SPATA21: variants seen among roughly 807,000 people sequenced by gnomAD.
SPATA21 encodes the protein spermatogenesis associated 21.
Under a neutral mutation model 54.8 loss-of-function variants are expected in SPATA21, and 47 were observed. The ratio of observed to expected loss-of-function variants is 0.86; its 90% CI spans 0.68 to 1.09. SPATA21 has a LOEUF of 1.09. SPATA21 is among the 50% of genes least tolerant of loss of function. The pLI is 0.00. For synonymous variants in SPATA21, 245 were observed against 235.3 expected, an observed-to-expected ratio of 1.04 and a Z score of -0.38; for missense variants, 599 against 596.4, an observed-to-expected ratio of 1.00 and a Z score of -0.05.
intron 7 of SPATA21, chr1:16,408,619 T>G (rs2085723681): frequency 1.6e-5 from 12 of 764,936 alleles, no homozygotes; most frequent in African/African-American, 1.9e-5. Context: ...ACGCCTGTAA[T>G]TCCAGACTTT....
At chr1:16,403,230 T>C (rs920480677) in intron 10 of SPATA21, among the ~76,000 whole-genome samples, 1 of 152,156 alleles carries the variant, frequency 6.6e-6, no homozygotes, top group Non-Finnish European at 1.5e-5. Flanking sequence ...GACTGCTCAG[T>C]GCATGCTGCA....
chr1:16,430,438 TAAACAAAC>T (rs928605298), intron 3 of SPATA21, among the ~76,000 whole-genome samples: 1 of 151,870 alleles, frequency 6.6e-6, no homozygotes, highest in Non-Finnish European at 1.5e-5. Flanking sequence ...GTCTCAAAAA[TAAACAAAC>T]AAACAAACTA....
chr1:16,401,320 A>C (rs1448118954), intron 10 of SPATA21, among the ~76,000 whole-genome samples: 2 of 152,158 alleles, frequency 1.3e-5, no homozygotes, highest in Non-Finnish European at 2.9e-5. Flanking sequence ...GGGGAGACAG[A>C]GTCTCACTCT....
Position 16,404,994 on chromosome 1 carries a change from C to G in SPATA21, c.784G>C (p.Asp262His), listed in dbSNP as rs764436429. 12 of 1,605,736 alleles carry G rather than the reference C, an allele frequency of 7.5e-6. No individual in the cohort carries two copies. The highest frequency in any genetic ancestry group is 1.0e-5 in the Non-Finnish European group (12 of 1,177,738). ...TTGACATCAGCACTCATCAGGGCGT[C>G]CTCCACCTGGGCCAGCGTCACAGAG... ...GFSVTLAQVE[D>H]ALMSADVNGD... is the part of the protein sequence containing the mutation. Residue 262 changes from aspartate to histidine, a missense_variant, in exon 8 of 13, where the codon GAC (aspartate) becomes CAC (histidine). Transcript: ENST00000335496.
At chr1:16,423,957 T>C (rs991766370) in intron 3 of SPATA21, among the ~76,000 whole-genome samples, 1 of 151,658 alleles carries the variant, frequency 6.6e-6, no homozygotes, top group Non-Finnish European at 1.5e-5. Flanking sequence ...ATAGTGATAG[T>C]TGGTAGTCGC....
At position 16,409,205 on chromosome 1, in the gene SPATA21, T is replaced by A. The variant is rs2085748209; in HGVS notation, c.588-2A>T. 5 of 1,614,032 alleles carry A rather than the reference T, an allele frequency of 3.1e-6. No individual in the cohort carries two copies. In the East Asian group the frequency reaches 1.1e-4, roughly 36 times the overall value. On this transcript the variant is annotated splice_acceptor_variant, in intron 6 of 12. Coordinates refer to ENST00000335496, the MANE Select transcript of SPATA21 (RefSeq NM_198546.1). LOFTEE classifies it high-confidence loss of function. The surrounding 1 kb of genome is among the most constrained non-coding windows in gnomAD (Gnocchi z 4.1). ...AGGCTCTGCTCTTCCGGCTCCTGCCTGCAGAGGACAGAACCCCGACCCAGG... is the reference window on the plus strand; with the variant it reads ...AGGCTCTGCTCTTCCGGCTCCTGCCAGCAGAGGACAGAACCCCGACCCAGG...
At chr1:16,419,658 G>T (rs2086113342) in intron 5 of SPATA21, among the ~76,000 whole-genome samples, 1 of 152,250 alleles carries the variant, frequency 6.6e-6, no homozygotes. Context: ...CAAGGTCTAT[G>T]GCTGGGCATG....
intron 3 of SPATA21, among the ~76,000 whole-genome samples, chr1:16,429,496 T>C (rs1031946267): frequency 2.0e-5 from 3 of 152,012 alleles, no homozygotes; most frequent in South Asian, 4.2e-4. Flanking sequence ...ATTTTTGAGA[T>C]GGAGTTTCAC....
chr1:16,424,299 C>T (rs192903992), intron 3 of SPATA21, among the ~76,000 whole-genome samples: 1,955 of 121,704 alleles, frequency 0.016, 61 homozygotes, highest in African/African-American at 0.057. Context: ...GGCGACAGAG[C>T]AAGACTGTCT....
At chr1:16,429,803 G>A (rs919139087) in intron 3 of SPATA21, among the ~76,000 whole-genome samples, 1 of 151,472 alleles carries the variant, frequency 6.6e-6, no homozygotes, top group African/African-American at 2.4e-5. Context: ...GATATCTTTG[G>A]CCCTGAGGAA....
At position 16,409,833 on chromosome 1, in the gene SPATA21, G is replaced by A; in HGVS notation, c.355C>T (p.Pro119Ser). ...AGGCTTGGAGCTGAGGTGGGCACCG[G>A]GGTCAGGGTCCTGGGCGACTTCTGG... is the stretch of plus-strand genomic sequence containing the variant. The part of the protein sequence containing the change: ...TAQKSPRTLT[P>S]VPTSAPSLPQ... Residue 119 changes from proline (P) to serine (S), a missense_variant, in exon 6 of 13, where the codon CCG becomes TCG. Coordinates refer to ENST00000335496, the MANE Select transcript of SPATA21 (RefSeq NM_198546.1). The surrounding 1 kb of genome is among the most constrained non-coding windows in gnomAD (Gnocchi z 4.1). The A allele has an allele frequency of 1.3e-6, 2 of 1,599,818 alleles. No homozygotes were observed. Among genetic ancestry groups the A allele is most frequent in the South Asian group, 1.1e-5 (1 of 88,762 alleles).
In SPATA21 at chr1:16,402,348, G is replaced by A. The variant is rs529509607; in HGVS notation, c.1001+1379C>T. ...GGCATCTCAGCTCACTGCAACCTCC[G>A]CCTCCTGGGTTCACGTCATTCTCCT... On this transcript the variant is annotated intron_variant, in intron 10 of 12. Transcript: ENST00000335496. Among the ~76,000 whole-genome samples, 4 of 123,656 alleles carry A rather than the reference G, an allele frequency of 3.2e-5. 1 individual carries two copies. In the South Asian group the frequency reaches 8.5e-4, roughly 26 times the overall value. The allele number at this position is 123,656 out of a possible 152,430, so 81.1% of individuals were successfully genotyped here. A position where few individuals can be genotyped will look rare whatever the true frequency, so the allele number is the denominator to read the frequency against.
chr1:16,402,249 C>CTTTTTTTTTTT (rs869032281), intron 10 of SPATA21, among the ~76,000 whole-genome samples: 8 of 55,952 alleles, frequency 1.4e-4, no homozygotes, highest in Admixed American at 3.0e-4. Context: ...AGCTGCCATT[C>CTTTTTTTTTTT]TTTTTTTTTT....
intron 12 of SPATA21, 107 bp downstream of exon 12, chr1:16,399,237 C>CT (rs1269559749): frequency 6.2e-6 from 8 of 1,291,598 alleles, no homozygotes; most frequent in African/African-American, 4.5e-5. Flanking sequence ...CAAGCAGCCT[C>CT]TCAGGTATGA....
chr1:16,410,877 C>A (rs1482324998), intron 5 of SPATA21: 2 of 351,568 alleles, frequency 5.7e-6, no homozygotes, highest in East Asian at 1.1e-4. Context: ...TACTCCTGGT[C>A]CCACCACTTG....
At chr1:16,435,156 T>C (rs1167959890) in intron 1 of SPATA21, among the ~76,000 whole-genome samples, 1 of 151,832 alleles carries the variant, frequency 6.6e-6, no homozygotes. Flanking sequence ...TGTACCGCCT[T>C]ACTTGTCTTT....
chr1:16,436,294 G>A (rs1036045773), intron 1 of SPATA21, among the ~76,000 whole-genome samples: 1 of 151,744 alleles, frequency 6.6e-6, no homozygotes, highest in African/African-American at 2.4e-5. Flanking sequence ...GCTGAGGCAG[G>A]AGAATTGCTT....
At chr1:16,416,057 C>T (rs1044675334) in intron 5 of SPATA21, among the ~76,000 whole-genome samples, 1 of 152,196 alleles carries the variant, frequency 6.6e-6, no homozygotes, top group Admixed American at 6.5e-5. Context: ...ACTGCATTGA[C>T]CTCTGTGCAG....
At chr1:16,405,501 A>AAAC (rs1220697798) in intron 7 of SPATA21, among the ~76,000 whole-genome samples, 51 of 147,900 alleles carry the variant, frequency 3.4e-4, no homozygotes, top group African/African-American at 1.2e-3. Flanking sequence ...ATGAAAAAAA[A>AAAC]AAAAAAAAAA....
Sources: gnomAD v4.1 joint callset for allele counts (sites outside exome capture counted in the v4.1 genomes callset) on GRCh38, gnomAD v4.1.1 for gene constraint, Gnocchi (gnomAD v3.1) non-coding constraint, MANE v1.5 for transcripts, NCBI Gene and HGNC (gene_info 2026-07-23, HGNC 2026-07-21) for gene names.